The following UBE2W variants were observed in gnomAD, a reference collection of about 807,000 sequenced individuals.
The protein encoded by UBE2W is ubiquitin conjugating enzyme E2 W.
UBE2W carries 18 observed loss-of-function variants against 27.2 expected under a neutral mutation model. The ratio of observed to expected loss-of-function variants is 0.66; its 90% CI spans 0.46 to 0.98. UBE2W has a LOEUF of 0.98. UBE2W is among the 50% of genes least tolerant of loss of function. The pLI is 0.00. For synonymous variants in UBE2W, 53 were observed against 57.2 expected (o/e 0.93, Z 0.33); for missense variants, 90 against 180.2 (o/e 0.50, Z 2.87).
chr8:73,872,512 T>C (rs1362615852), intron 1 of UBE2W, among the ~76,000 whole-genome samples: 1 of 152,246 alleles, frequency 6.6e-6, no homozygotes, highest in Non-Finnish European at 1.5e-5. Flanking sequence ...TCAACTAACC[T>C]AATTTCATTC....
downstream of UBE2W, among the ~76,000 whole-genome samples, chr8:73,781,292 A>G (rs924934237): frequency 1.3e-5 from 2 of 150,626 alleles, no homozygotes; most frequent in South Asian, 4.2e-4. Context: ...AAAAAAAAGT[A>G]TTAAATTCCT....
At chr8:73,870,111 G>C (rs527310994) in intron 1 of UBE2W, among the ~76,000 whole-genome samples, 44 of 152,246 alleles carry the variant, frequency 2.9e-4, no homozygotes, top group Middle Eastern at 6.8e-3. Context: ...CCACTGAACT[G>C]TATACTTTAA....
At chr8:73,814,839 T>G (rs1392547935) in intron 3 of UBE2W, among the ~76,000 whole-genome samples, 1 of 152,212 alleles carries the variant, frequency 6.6e-6, no homozygotes, top group East Asian at 1.9e-4. Context: ...TCTTTAATTA[T>G]TACTACCTTT....
Position 73,790,500 on chromosome 8 carries a change from ACACAAT to A in UBE2W, c.*3596_*3601del. 1.0e-6 allele frequency: 1 copy of A among 984,272 alleles called. No homozygotes were observed. Among genetic ancestry groups the A allele is most frequent in the Non-Finnish European group, 1.2e-6 (1 of 828,852 alleles). 61.0% of individuals were successfully genotyped at this position (984,272 alleles called of 1,614,324 possible). On this transcript the variant is annotated 3_prime_UTR_variant, in exon 6 of 6. Coordinates refer to ENST00000602593, the MANE Select transcript of UBE2W (RefSeq NM_018299.6). Reference sequence around the variant, plus strand: ...GTTCTTTTTGAAAAGCAATTTACATACACAATTACAAATAATTGTAAATTTTAAGCA... The same window carrying A: ...GTTCTTTTTGAAAAGCAATTTACATATACAAATAATTGTAAATTTTAAGCA...
At chr8:73,782,395 T>C (rs1807863026), downstream of UBE2W, among the ~76,000 whole-genome samples, 1 of 152,208 alleles carries the variant, frequency 6.6e-6, no homozygotes, top group Non-Finnish European at 1.5e-5. Context: ...TTTCTTCCCC[T>C]TTGTAATCTC....
At chr8:73,874,300 A>G (rs1812126396) in intron 1 of UBE2W, among the ~76,000 whole-genome samples, 1 of 152,078 alleles carries the variant, frequency 6.6e-6, no homozygotes, top group Non-Finnish European at 1.5e-5. Context: ...GCGAGGTGGC[A>G]GGCGCCTGTA....
At chr8:73,795,428 T>G (rs781057046) in intron 5 of UBE2W, among the ~76,000 whole-genome samples, 1 of 152,114 alleles carries the variant, frequency 6.6e-6, no homozygotes, top group African/African-American at 2.4e-5. Context: ...CCACCATGAG[T>G]AAAAGCTTCC....
At chr8:73,829,274 T>C (rs1277660565) in intron 2 of UBE2W, among the ~76,000 whole-genome samples, 1 of 152,140 alleles carries the variant, frequency 6.6e-6, no homozygotes, top group Non-Finnish European at 1.5e-5. Context: ...GAAGAAGTAA[T>C]CTCATTATTA....
chr8:73,795,041 A>G (rs1199890256), intron 5 of UBE2W, among the ~76,000 whole-genome samples: 1 of 152,140 alleles, frequency 6.6e-6, no homozygotes, highest in Admixed American at 6.5e-5. Flanking sequence ...TTCACAAAAC[A>G]TATCTGAAAG....
intron 1 of UBE2W, among the ~76,000 whole-genome samples, chr8:73,842,023 T>C (rs1210375769): frequency 6.6e-6 from 1 of 152,194 alleles, no homozygotes; most frequent in Non-Finnish European, 1.5e-5. Context: ...GTCCAGGAAG[T>C]GGTGGCCTCA....
Position 73,805,472 on chromosome 8 carries a change from C to CAAAAAAAAAAAAAAAAAAAAAAAAAAAA in UBE2W, c.442+178_442+179insTTTTTTTTTTTTTTTTTTTTTTTTTTTT. Among the ~76,000 whole-genome samples, 41 of 43,682 alleles carry CAAAAAAAAAAAAAAAAAAAAAAAAAAAA rather than the reference C, an allele frequency of 9.4e-4. 4 individuals carry two copies. The highest frequency in any genetic ancestry group is 1.5e-3 in the Admixed American group (4 of 2,592). 28.7% of individuals were successfully genotyped at this position (43,682 alleles called of 152,430 possible). A position where few individuals can be genotyped will look rare whatever the true frequency, so the allele number is the denominator to read the frequency against. ...TCCATCTCAAAAAAAAAAAAAAAAACAAAAAAAACTAGGGTAATTCATCCA... is the reference window on the plus strand; with the variant it reads ...TCCATCTCAAAAAAAAAAAAAAAAACAAAAAAAAAAAAAAAAAAAAAAAAAAAAAAAAAAAACTAGGGTAATTCATCCA... On this transcript the variant is annotated intron_variant, in intron 5 of 5. Transcript: ENST00000602593.
intron 1 of UBE2W, among the ~76,000 whole-genome samples, chr8:73,844,718 C>T (rs1393710480): frequency 2.0e-5 from 3 of 151,828 alleles, no homozygotes; most frequent in African/African-American, 7.3e-5. Context: ...CTCTGCCCAG[C>T]CGCCCATCGT....
Position 73,803,790 on chromosome 8 carries a change from G to A in UBE2W, c.442+1861C>T, listed in dbSNP as rs868461465. On this transcript the variant is annotated intron_variant, in intron 5 of 5. Transcript: ENST00000602593. ...TTTTCTTTTTTTTTTTTTTTGAGAC[G>A]GAGGCTTGCTCTGTCGCCCAGGCTG... is the stretch of plus-strand genomic sequence containing the variant. 1.0e-4 allele frequency among the ~76,000 whole-genome samples: 15 copies of A among 143,610 alleles called. 1 individual carries two copies. Among genetic ancestry groups the A allele is most frequent in the African/African-American group, 3.7e-4 (14 of 38,180 alleles). 94.2% of individuals were successfully genotyped at this position (143,610 alleles called of 152,430 possible). A position where few individuals can be genotyped will look rare whatever the true frequency, so the allele number is the denominator to read the frequency against.
At chr8:73,875,772 G>A (rs769021641) in intron 1 of UBE2W, among the ~76,000 whole-genome samples, 7 of 152,112 alleles carry the variant, frequency 4.6e-5, no homozygotes, top group South Asian at 4.1e-4. Context: ...ACACTTGGCC[G>A]CGTGCAGTGG....
chr8:73,789,917 A>T lies in UBE2W; in HGVS notation c.*4185T>A. ...TTAGAAATTTAAATGGAAAAAATAA[A>T]TAATTTGCTTGGACAATAATTTGGC... On this transcript the variant is annotated 3_prime_UTR_variant, in exon 6 of 6. Coordinates refer to ENST00000602593, the MANE Select transcript of UBE2W (RefSeq NM_018299.6). 1.0e-6 allele frequency: 1 copy of T among 981,680 alleles called. No homozygotes were observed. The highest frequency in any genetic ancestry group is 1.2e-6 in the Non-Finnish European group (1 of 826,518). 60.8% of individuals were successfully genotyped at this position (981,680 alleles called of 1,614,324 possible). A position where few individuals can be genotyped will look rare whatever the true frequency, so the allele number is the denominator to read the frequency against.
At chr8:73,865,031 A>G (rs1416372054) in intron 1 of UBE2W, among the ~76,000 whole-genome samples, 2 of 152,086 alleles carry the variant, frequency 1.3e-5, no homozygotes, top group Admixed American at 6.6e-5. Context: ...TAGACAGCAC[A>G]TAAGTTAAAC....
At chr8:73,781,020 A>G (rs1807830954) in intron 4 of UBE2W, among the ~76,000 whole-genome samples, 1 of 151,950 alleles carries the variant, frequency 6.6e-6, no homozygotes, top group South Asian at 2.1e-4. Context: ...CTGTAATCCC[A>G]GCCCTTTGGG....
chr8:73,845,778 T>C (rs960793894), intron 1 of UBE2W, among the ~76,000 whole-genome samples: 4 of 151,604 alleles, frequency 2.6e-5, no homozygotes, highest in Non-Finnish European at 4.4e-5. Flanking sequence ...TACAAAGTTA[T>C]AGAAATTAGA....
intron 4 of UBE2W, among the ~76,000 whole-genome samples, chr8:73,808,198 T>G (rs76332359): frequency 0.024 from 3,686 of 152,316 alleles, 156 homozygotes; most frequent in African/African-American, 0.085. Context: ...TTACCCGTTT[T>G]AATAATAATA....
Sources: gnomAD v4.1 joint callset for allele counts (sites outside exome capture counted in the v4.1 genomes callset) on GRCh38, gnomAD v4.1.1 for gene constraint, MANE v1.5 for transcripts, NCBI Gene and HGNC (gene_info 2026-07-23, HGNC 2026-07-21) for gene names.